Variants in MAP2K5 observed in about 807,000 individuals in gnomAD.
The protein encoded by MAP2K5 is mitogen-activated protein kinase kinase 5, also known as dual specificity mitogen-activated protein kinase kinase 5.
Under a neutral mutation model 83.1 loss-of-function variants are expected in MAP2K5, and 49 were observed. The observed-to-expected ratio is 0.59, with a 90% CI of 0.47 to 0.75. The LOEUF (loss-of-function observed/expected upper bound fraction) is 0.75. Ranked by LOEUF, MAP2K5 falls within the 30% of genes least tolerant of loss-of-function variation. The pLI is 0.00. For synonymous variants in MAP2K5, 202 were observed against 191.8 expected (o/e 1.05, Z -0.44); for missense variants, 457 against 557.5 (o/e 0.82, Z 1.82).
intron 7 of MAP2K5, among the ~76,000 whole-genome samples, chr15:67,595,246 C>G (rs2085498999): frequency 6.6e-6 from 1 of 152,152 alleles, no homozygotes; most frequent in Admixed American, 6.5e-5. Flanking sequence ...TCTTTTCTGT[C>G]ACTCAGAGTA....
At chr15:67,647,630 A>G (rs907805783) in intron 11 of MAP2K5, among the ~76,000 whole-genome samples, 6 of 152,152 alleles carry the variant, frequency 3.9e-5, no homozygotes, top group Non-Finnish European at 7.4e-5. Flanking sequence ...TTACTCCTGT[A>G]ATCCTAGCAC....
intron 3 of MAP2K5, among the ~76,000 whole-genome samples, chr15:67,570,794 A>C (rs61667787): frequency 6.6e-6 from 1 of 152,342 alleles, no homozygotes; most frequent in East Asian, 1.9e-4. Context: ...TTATTGCTGT[A>C]ATTACTGACT....
intron 17 of MAP2K5, among the ~76,000 whole-genome samples, chr15:67,745,803 A>G (rs534046916): frequency 6.6e-6 from 1 of 152,356 alleles, no homozygotes; most frequent in South Asian, 2.1e-4. Context: ...GCATCATCAA[A>G]TTCTTGTGAA....
At chr15:67,688,497 A>G (rs2141195859) in intron 13 of MAP2K5, among the ~76,000 whole-genome samples, 1 of 152,330 alleles carries the variant, frequency 6.6e-6, no homozygotes, top group South Asian at 2.1e-4. Context: ...TTACAGTCCT[A>G]CTTACTGAGC....
At chr15:67,682,464 T>C (rs62016221) in intron 13 of MAP2K5, among the ~76,000 whole-genome samples, 150,432 of 151,604 alleles carry the variant, frequency 0.99, 74,653 homozygotes, top group Middle Eastern at 1. Flanking sequence ...ATCTCATGTT[T>C]CACCCGCCTT....
chr15:67,654,260 T>C (rs1366783017), intron 11 of MAP2K5, among the ~76,000 whole-genome samples: 1 of 152,208 alleles, frequency 6.6e-6, no homozygotes, highest in African/African-American at 2.4e-5. Flanking sequence ...GGTTGATTGA[T>C]CCTTTTATCA....
chr15:67,597,748 GAT>G (rs956260236), intron 7 of MAP2K5, among the ~76,000 whole-genome samples: 1 of 152,084 alleles, frequency 6.6e-6, no homozygotes, highest in African/African-American at 2.4e-5. Context: ...TTTGATAAGA[GAT>G]ATGAAGTTCT....
rs2089824500 is a variant in MAP2K5 at position 67,755,880 on chromosome 15, A to T, written c.1134+7279A>T. Among the ~76,000 whole-genome samples, 1 of 152,210 alleles carries T rather than the reference A, an allele frequency of 6.6e-6. No homozygotes were observed. Among genetic ancestry groups the T allele is most frequent in the Admixed American group, 6.5e-5 (1 of 15,286 alleles). On this transcript the variant is annotated intron_variant, in intron 19 of 21. Coordinates refer to ENST00000178640, the MANE Select transcript of MAP2K5 (RefSeq NM_145160.3). The surrounding 1 kb of genome is among the most constrained non-coding windows in gnomAD (Gnocchi z 4.7). The stretch of plus-strand genomic sequence containing the variant: ...CAAATCCACTTTAGTCCTTCTTATC[A>T]TCAGGGACCCCAGGCCAGGCCCCAC...
intron 16 of MAP2K5, among the ~76,000 whole-genome samples, chr15:67,721,776 T>TTCACTATATTCTCTTGAGAGTA (rs2088965184): frequency 6.6e-6 from 1 of 152,194 alleles, no homozygotes; most frequent in Non-Finnish European, 1.5e-5. Context: ...TACGTGTGGG[T>TTCACTATATTCTCTTGAGAGTA]TCACTATATT....
rs1241764454 is a variant in MAP2K5 at position 67,748,187 on chromosome 15, T to G, written c.1075-44T>G. The G allele has an allele frequency of 1.4e-6, 2 of 1,448,406 alleles. No individual in the cohort carries two copies. The highest frequency in any genetic ancestry group is 1.9e-6 in the Non-Finnish European group (2 of 1,033,136). The allele number at this position is 1,448,406 out of a possible 1,614,324, so 89.7% of individuals were successfully genotyped here. On this transcript the variant is annotated intron_variant, in intron 17 of 21. Coordinates refer to ENST00000178640, the MANE Select transcript of MAP2K5 (RefSeq NM_145160.3). The surrounding 1 kb of genome is among the most constrained non-coding windows in gnomAD (Gnocchi z 4.0). The stretch of plus-strand genomic sequence containing the variant: ...AGTGATCATAATGTGTCCAAGTGAG[T>G]CATTTTGATTATGACATGCTAATTA...
At chr15:67,586,041 C>T in intron 5 of MAP2K5, 111 bp downstream of exon 5, 2 of 1,001,732 alleles carry the variant, frequency 2.0e-6, no homozygotes, top group Admixed American at 1.8e-5. Context: ...ACAAGCGATC[C>T]TTTTATTTTT....
intron 2 of MAP2K5, among the ~76,000 whole-genome samples, chr15:67,556,814 A>C (rs746390067): frequency 1.9e-4 from 29 of 152,046 alleles, no homozygotes; most frequent in Non-Finnish European, 2.9e-4. Flanking sequence ...CGGCCTCCCA[A>C]AGTGCTGGCA....
At chr15:67,743,123 C>T (rs1277480995) in intron 17 of MAP2K5, among the ~76,000 whole-genome samples, 1 of 152,218 alleles carries the variant, frequency 6.6e-6, no homozygotes, top group Non-Finnish European at 1.5e-5. Flanking sequence ...TACCTAGCTG[C>T]TTGCTAAATT....
In MAP2K5 at chr15:67,658,540, T is replaced by C; in HGVS notation, c.737-13T>C. 6.2e-7 allele frequency: 1 copy of C among 1,607,704 alleles called. No individual in the cohort carries two copies. The highest frequency in any genetic ancestry group is 8.5e-7 in the Non-Finnish European group (1 of 1,174,562). On this transcript the variant is annotated splice_polypyrimidine_tract_variant and intron_variant, in intron 11 of 21. Transcript: ENST00000178640. ...ATTTCATTTGTAGTAACATGGCATGTTTATCTCTACAGGGGGATCTTTGGA... is the reference window on the plus strand; with the variant it reads ...ATTTCATTTGTAGTAACATGGCATGCTTATCTCTACAGGGGGATCTTTGGA...
At position 67,807,025 on chromosome 15, in the gene MAP2K5, C is replaced by T. The variant is rs573273093; in HGVS notation, c.*275C>T. On this transcript the variant is annotated 3_prime_UTR_variant, in exon 22 of 22. Coordinates refer to ENST00000178640, the MANE Select transcript of MAP2K5 (RefSeq NM_145160.3). This position sits in a 1 kb window ranked among gnomAD's most constrained non-coding sequence, Gnocchi z 5.1. ...AGAATGGAGGCTCCCAGGGTCCCTG[C>T]CCACTTCTGTTTTCCTAATGTTTTT... is the stretch of plus-strand genomic sequence containing the variant. 3.0e-6 allele frequency: 4 copies of T among 1,331,604 alleles called. No individual in the cohort carries two copies. The highest frequency in any genetic ancestry group is 4.0e-6 in the Non-Finnish European group (4 of 1,007,084). 82.5% of individuals were successfully genotyped at this position (1,331,604 alleles called of 1,614,324 possible).
At chr15:67,670,540 A>G in intron 13 of MAP2K5, 1 of 445,956 alleles carries the variant, frequency 2.2e-6, no homozygotes, top group Non-Finnish European at 4.5e-6. Flanking sequence ...AGCTCTTCTT[A>G]CATCTTAGCA....
intron 16 of MAP2K5, among the ~76,000 whole-genome samples, chr15:67,706,460 G>A (rs1461655537): frequency 6.6e-6 from 1 of 151,902 alleles, no homozygotes; most frequent in East Asian, 1.9e-4. Flanking sequence ...GTGGTAGAGA[G>A]CAGATAACCA....
chr15:67,739,286 A>C (rs888616255), intron 17 of MAP2K5, among the ~76,000 whole-genome samples: 2 of 150,430 alleles, frequency 1.3e-5, no homozygotes, highest in Non-Finnish European at 3.0e-5. Context: ...TCTCAAAAAA[A>C]AAAAAAAAAA....
intron 3 of MAP2K5, among the ~76,000 whole-genome samples, chr15:67,567,280 G>A (rs1410759236): frequency 6.6e-6 from 1 of 150,412 alleles, no homozygotes; most frequent in East Asian, 1.9e-4. Context: ...TGTAAGTTAT[G>A]TTGTTAGAAT....
Sources: allele counts gnomAD v4.1 joint callset (sites outside exome capture counted in the v4.1 genomes callset), GRCh38; gene constraint gnomAD v4.1.1; non-coding constraint Gnocchi (gnomAD v3.1); transcripts MANE v1.5; gene names NCBI Gene and HGNC (gene_info 2026-07-23, HGNC 2026-07-21).